KLHL3: variants seen among roughly 807,000 people sequenced by gnomAD.
KLHL3 encodes kelch-like protein 3.
In KLHL3, 19 loss-of-function variants were observed where a neutral mutation model predicts 70.5. The observed-to-expected ratio is 0.27, with a 90% CI of 0.19 to 0.40. The LOEUF is 0.40. Ranked by LOEUF, KLHL3 falls within the 10% of genes least tolerant of loss-of-function variation. KLHL3 has a pLI of 1.00. For synonymous variants in KLHL3, 258 were observed against 290.3 expected (o/e 0.89, Z 1.13); for missense variants, 512 against 771.1 (o/e 0.66, Z 3.98).
intron 8 of KLHL3, among the ~76,000 whole-genome samples, chr5:137,646,355 C>G (rs1021301146): frequency 3.3e-5 from 5 of 152,128 alleles, no homozygotes; most frequent in Admixed American, 2.6e-4. Context: ...ATTAGTACAG[C>G]CCAGTATGGT....
intron 12 of KLHL3, among the ~76,000 whole-genome samples, chr5:137,631,917 T>C (rs772670681): frequency 2.1e-4 from 31 of 147,130 alleles, no homozygotes; most frequent in Admixed American, 1.1e-3. Flanking sequence ...AGTAGGATTA[T>C]ATACAGCAAA....
chr5:137,643,761 C>T (rs186252085), intron 8 of KLHL3, among the ~76,000 whole-genome samples: 125 of 152,226 alleles, frequency 8.2e-4, no homozygotes, highest in Non-Finnish European at 1.5e-3. Context: ...TCTCTTCTAG[C>T]TATTTTGAAA....
At chr5:137,662,067 GA>G in intron 6 of KLHL3, 36 bp from the exon 7 acceptor site, 1 of 842,080 alleles carries the variant, frequency 1.2e-6, no homozygotes, top group Non-Finnish European at 1.8e-6. Flanking sequence ...CTTCAGTAAA[GA>G]GACAAAAGCT....
chr5:137,718,568 A>G (rs1752939453), intron 2 of KLHL3, among the ~76,000 whole-genome samples: 1 of 152,248 alleles, frequency 6.6e-6, no homozygotes, highest in African/African-American at 2.4e-5. Flanking sequence ...TCTTGTGTAC[A>G]TATCTATTCC....
intron 13 of KLHL3, among the ~76,000 whole-genome samples, chr5:137,627,482 C>CG (rs992853754): frequency 4.8e-5 from 6 of 125,944 alleles, no homozygotes; most frequent in African/African-American, 1.6e-4. Flanking sequence ...TCACCACCCC[C>CG]CCCCCCGGTT....
chr5:137,677,631 G>T lies in KLHL3; in HGVS notation c.550C>A (p.Leu184Ile). 1 of 1,603,382 alleles carries T rather than the reference G, an allele frequency of 6.2e-7. No individual in the cohort carries two copies. The highest frequency in any genetic ancestry group is 1.4e-5 in the African/African-American group (1 of 73,922). ...YAEQHFPEVM[L>I]GEEFLSLSLD... Reference sequence around the variant, plus strand: ...CTCAGGCTAAGAAATTCTTCTCCTAGCATCACCTCTGGAAAGTGCTGCTCT... The same window carrying T: ...CTCAGGCTAAGAAATTCTTCTCCTATCATCACCTCTGGAAAGTGCTGCTCT... The change falls in exon 6 of 15, where the codon CTA (leucine) becomes ATA (isoleucine). Residue 184 changes from leucine to isoleucine, a missense_variant. By Grantham distance (5) the Leu-to-Ile change is conservative. Transcript: ENST00000309755.
chr5:137,680,209 C>A (rs1441109078), intron 5 of KLHL3, among the ~76,000 whole-genome samples: 1 of 152,180 alleles, frequency 6.6e-6, no homozygotes, highest in Non-Finnish European at 1.5e-5. Context: ...CTATTTTGAA[C>A]AATTATTTGG....
chr5:137,693,475 C>T (rs1186200087), intron 4 of KLHL3, among the ~76,000 whole-genome samples: 1 of 152,124 alleles, frequency 6.6e-6, no homozygotes, highest in African/African-American at 2.4e-5. Context: ...TTCCCTAGGA[C>T]TTTCCCTCAG....
chr5:137,723,921 A>T (rs1372835670), intron 1 of KLHL3, among the ~76,000 whole-genome samples: 3 of 152,224 alleles, frequency 2.0e-5, no homozygotes, highest in Non-Finnish European at 2.9e-5. Context: ...TTAAGTCATA[A>T]AGTAATGCTA....
chr5:137,697,817 G>A lies in KLHL3; in HGVS notation c.363+470C>T, dbSNP rs999468127. Reference sequence around the variant, plus strand: ...ATTAAATAAATACATGATGAAAAGAGCAAAGAGAGCTGGTTCCAATTATAG... The same window carrying A: ...ATTAAATAAATACATGATGAAAAGAACAAAGAGAGCTGGTTCCAATTATAG... On this transcript the variant is annotated intron_variant, in intron 4 of 14. Transcript: ENST00000309755. Among the ~76,000 whole-genome samples, 55 of 152,172 alleles carry A rather than the reference G, an allele frequency of 3.6e-4. 1 individual carries two copies. Among genetic ancestry groups the A allele is most frequent in the Non-Finnish European group, 1.5e-4 (10 of 68,022 alleles).
intron 3 of KLHL3, among the ~76,000 whole-genome samples, chr5:137,708,551 A>G (rs899361035): frequency 1.3e-5 from 2 of 152,200 alleles, no homozygotes; most frequent in Non-Finnish European, 2.9e-5. Flanking sequence ...GTGTCCTACC[A>G]TGTACCAGGT....
intron 8 of KLHL3, among the ~76,000 whole-genome samples, chr5:137,651,799 T>G (rs1751208455): frequency 1.3e-5 from 2 of 152,210 alleles, no homozygotes; most frequent in African/African-American, 4.8e-5. Flanking sequence ...TGCCTAATTT[T>G]AAGACTTACT....
chr5:137,709,565 A>G (rs1191874312), intron 3 of KLHL3, among the ~76,000 whole-genome samples, 185 bp downstream of exon 3: 3 of 152,238 alleles, frequency 2.0e-5, no homozygotes, highest in African/African-American at 7.2e-5. Flanking sequence ...TACATGCCCA[A>G]CTGGCCTGGA....
At chr5:137,670,312 G>C (rs1414869744) in intron 6 of KLHL3, among the ~76,000 whole-genome samples, 1 of 150,140 alleles carries the variant, frequency 6.7e-6, no homozygotes, top group African/African-American at 2.5e-5. Flanking sequence ...GACATCCTCT[G>C]AACATGAAGT....
chr5:137,678,763 C>T (rs1038577332), intron 5 of KLHL3, among the ~76,000 whole-genome samples: 23 of 151,868 alleles, frequency 1.5e-4, no homozygotes, highest in African/African-American at 5.6e-4. Flanking sequence ...ATTCCCTAAA[C>T]GTTAACAGTT....
chr5:137,690,326 CAAAAA>C (rs35864411), intron 5 of KLHL3, among the ~76,000 whole-genome samples: 1 of 140,768 alleles, frequency 7.1e-6, no homozygotes. Flanking sequence ...GACTCCATCT[CAAAAA>C]AAAAAAAAAA....
chr5:137,707,992 A>C (rs1752717973), intron 3 of KLHL3, among the ~76,000 whole-genome samples: 1 of 152,236 alleles, frequency 6.6e-6, no homozygotes, highest in Admixed American at 6.5e-5. Flanking sequence ...TAACTATTAC[A>C]GACAAGATGA....
intron 3 of KLHL3, among the ~76,000 whole-genome samples, chr5:137,701,580 G>A (rs2967806): frequency 0.78 from 118,838 of 152,102 alleles, 46,649 homozygotes; most frequent in East Asian, 0.98. Context: ...TCCTCAACAC[G>A]TAACAAAGTG....
In KLHL3 at chr5:137,692,386, A is replaced by T; in HGVS notation, c.425T>A (p.Phe142Tyr). The T allele has an allele frequency of 6.2e-7, 1 of 1,614,014 alleles. No homozygotes were observed. Among genetic ancestry groups the T allele is most frequent in the Non-Finnish European group, 8.5e-7 (1 of 1,180,002 alleles). Residue 142 changes from phenylalanine (F) to tyrosine (Y), a missense_variant, in exon 5 of 15, where the codon TTC (phenylalanine) becomes TAC (tyrosine). Coordinates refer to ENST00000309755, the MANE Select transcript of KLHL3 (RefSeq NM_017415.3). Reference sequence around the variant, plus strand: ...GGTGGGATGCAACTGAGACTGCAGGAAGTCACAGCAGTTCTGCCGAACATC... The same window carrying T: ...GGTGGGATGCAACTGAGACTGCAGGTAGTCACAGCAGTTCTGCCGAACATC... The part of the protein sequence containing the change: ...LMDVRQNCCD[F>Y]LQSQLHPTNC...
Sources: allele counts gnomAD v4.1 joint callset (sites outside exome capture counted in the v4.1 genomes callset), GRCh38; gene constraint gnomAD v4.1.1; transcripts MANE v1.5; gene names NCBI Gene and HGNC (gene_info 2026-07-23, HGNC 2026-07-21).